Variants in ALPK2 observed in about 807,000 individuals in gnomAD.
ALPK2 encodes alpha kinase 2.
A neutral mutation model predicts 163.1 loss-of-function variants in ALPK2; 127 were observed. The ratio of observed to expected loss-of-function variants is 0.78; its 90% CI spans 0.67 to 0.90. ALPK2 has a LOEUF of 0.90. ALPK2 is among the 40% of genes least tolerant of loss of function. The probability of loss-of-function intolerance (pLI) is 0.00; values close to 1 mark genes in which losing one functional copy is unlikely to be tolerated. For missense variants in ALPK2, 2,360 were observed against 2,589.6 expected (o/e 0.91, Z 1.92); for synonymous variants, 953 against 959.1 (o/e 0.99, Z 0.12).
intron 6 of ALPK2, among the ~76,000 whole-genome samples, chr18:58,525,972 A>G (rs1433087294): frequency 6.7e-6 from 1 of 148,520 alleles, no homozygotes; most frequent in African/African-American, 2.5e-5. Flanking sequence ...AAAAAGAAAA[A>G]AAAAAAAAAA....
In ALPK2 at chr18:58,579,508, G is replaced by A; in HGVS notation, c.1268C>T (p.Ser423Leu). ...GAGAGTCATCCCTGTTTGTGGGGATGAGGGACCGTGCTTGGAGACTCTGCT... is the reference window on the plus strand; with the variant it reads ...GAGAGTCATCCCTGTTTGTGGGGATAAGGGACCGTGCTTGGAGACTCTGCT... ...RSSRVSKHGP[S>L]SPQTGMTLIL... The change falls in exon 4 of 13, where the codon TCA becomes TTA. Residue 423 changes from serine to leucine, a missense_variant. Transcript: ENST00000361673. 14 of 1,613,954 alleles carry A rather than the reference G, an allele frequency of 8.7e-6. No homozygotes were observed. Among genetic ancestry groups the A allele is most frequent in the South Asian group, 1.1e-5 (1 of 91,058 alleles).
chr18:58,579,211 C>A lies in ALPK2; in HGVS notation c.1565G>T (p.Gly522Val). 1.2e-6 allele frequency: 2 copies of A among 1,613,286 alleles called. No individual in the cohort carries two copies. The highest frequency in any genetic ancestry group is 1.7e-6 in the Non-Finnish European group (2 of 1,179,272). Residue 522 changes from glycine to valine, a missense_variant, in exon 4 of 13, where the codon GGA becomes GTA. Physicochemically the swap from Gly to Val is moderately radical, Grantham distance 109 (BLOSUM62 -3). Coordinates refer to ENST00000361673, the MANE Select transcript of ALPK2 (RefSeq NM_052947.4). ...WETAADKRVG[G>V]KDLWSKRGSR... ...ACCCCTCTTGCTCCATAAGTCCTTT[C>A]CCCCCACTCTCTTGTCAGCTGCCGT...
rs192986739 is a variant in ALPK2, at chr18:58,613,938, T to C, written c.-20-2121A>G. Among the ~76,000 whole-genome samples, 54 of 152,296 alleles carry C rather than the reference T, an allele frequency of 3.5e-4. No individual in the cohort carries two copies. In the East Asian group the frequency reaches 5.4e-3, roughly 15 times the overall value. On this transcript the variant is annotated intron_variant, in intron 1 of 12. Transcript: ENST00000361673. ...GCATTTCCTTAATCTCAAGATGTTC[T>C]GTTTAGAAATATGGTGTGAACTGTA...
chr18:58,526,646 G>A (rs2051586521), intron 6 of ALPK2, among the ~76,000 whole-genome samples: 2 of 152,164 alleles, frequency 1.3e-5, no homozygotes, highest in Admixed American at 6.5e-5. Flanking sequence ...GTGCCACCTT[G>A]AGGTCTCCAT....
intron 3 of ALPK2, among the ~76,000 whole-genome samples, chr18:58,596,478 T>G (rs2052041913): frequency 6.6e-6 from 1 of 152,194 alleles, no homozygotes; most frequent in African/African-American, 2.4e-5. Flanking sequence ...AGAATCTCCA[T>G]CTGGCTGCTG....
chr18:58,594,387 A>ACC (rs1279056893), intron 3 of ALPK2, among the ~76,000 whole-genome samples: 1 of 152,090 alleles, frequency 6.6e-6, no homozygotes, highest in African/African-American at 2.4e-5. Context: ...AACAATTTCC[A>ACC]CCCCCAGCAC....
In ALPK2 at chr18:58,523,722, C is replaced by G. The variant is rs940657316; in HGVS notation, c.5665+84G>C. The G allele has an allele frequency of 4.5e-6, 7 of 1,545,510 alleles. No individual in the cohort carries two copies. The African/African-American group carries it at 5.5e-5, about 12-fold the overall frequency. On this transcript the variant is annotated intron_variant, in intron 8 of 12. Coordinates refer to ENST00000361673, the MANE Select transcript of ALPK2 (RefSeq NM_052947.4). ...TCGGTTGGAAGAGTCCAGAGGATTA[C>G]TGCTTCTACTCTTTCCTCTGGGAGC...
At chr18:58,586,835 G>A (rs2051989253) in intron 3 of ALPK2, among the ~76,000 whole-genome samples, 1 of 151,972 alleles carries the variant, frequency 6.6e-6, no homozygotes, top group East Asian at 1.9e-4. Context: ...TTAAACAATA[G>A]GGTAACCAAA....
chr18:58,573,212 A>ATATATATGTGTATATG (rs1568089258), intron 4 of ALPK2, among the ~76,000 whole-genome samples: 2 of 40,382 alleles, frequency 5.0e-5, no homozygotes, highest in African/African-American at 9.1e-5. Flanking sequence ...ATGTGTATAT[A>ATATATATGTGTATATG]TGTATATATA....
chr18:58,537,503 G>A lies in ALPK2; in HGVS notation c.2684C>T (p.Thr895Ile). The A allele has an allele frequency of 1.2e-6, 2 of 1,612,740 alleles. No individual in the cohort carries two copies. Among genetic ancestry groups the A allele is most frequent in the Non-Finnish European group, 8.5e-7 (1 of 1,179,000 alleles). Residue 895 changes from threonine (T) to isoleucine (I), a missense_variant, in exon 5 of 13, where the codon ACC becomes ATC. Thr to Ile is a moderately conservative substitution (Grantham distance 89). Coordinates refer to ENST00000361673, the MANE Select transcript of ALPK2 (RefSeq NM_052947.4). ...ACTAGCTGTGTGTGAAATGTTCAAGGTGAAAGTACTGGTAAAAAGAGGGGA... is the reference window on the plus strand; with the variant it reads ...ACTAGCTGTGTGTGAAATGTTCAAGATGAAAGTACTGGTAAAAAGAGGGGA... ...VMSPLFTSTFTLNISHTASEG... is the reference protein window; with the variant it reads ...VMSPLFTSTFILNISHTASEG...
chr18:58,575,003 C>T (rs2051911876), intron 4 of ALPK2, among the ~76,000 whole-genome samples: 1 of 151,984 alleles, frequency 6.6e-6, no homozygotes, highest in African/African-American at 2.4e-5. Context: ...CACCTGAGGT[C>T]GGGAGTTTGA....
rs543872642 is a variant in ALPK2, at chr18:58,599,463, C to G, written c.227+7859G>C. 2.6e-5 allele frequency among the ~76,000 whole-genome samples: 4 copies of G among 152,312 alleles called. No individual in the cohort carries two copies. In the East Asian group the frequency reaches 7.7e-4, roughly 29 times the overall value. Reference sequence around the variant, plus strand: ...TTAAGATTTGTTAGACCTACTTAAGCTCACAGGAACATGAAGTTCACAAAA... The same window carrying G: ...TTAAGATTTGTTAGACCTACTTAAGGTCACAGGAACATGAAGTTCACAAAA... On this transcript the variant is annotated intron_variant, in intron 3 of 12. Transcript: ENST00000361673.
At chr18:58,599,685 A>G (rs888760189) in intron 3 of ALPK2, among the ~76,000 whole-genome samples, 4 of 152,164 alleles carry the variant, frequency 2.6e-5, no homozygotes, top group African/African-American at 9.7e-5. Flanking sequence ...CAGTTCCAAA[A>G]TTATAGTTTG....
chr18:58,616,323 C>T (rs776697483), intron 1 of ALPK2, among the ~76,000 whole-genome samples: 1 of 152,200 alleles, frequency 6.6e-6, no homozygotes, highest in Non-Finnish European at 1.5e-5. Context: ...CTCTCTCTGA[C>T]CTTCTATCCT....
chr18:58,609,986 C>A (rs7245005), intron 2 of ALPK2, among the ~76,000 whole-genome samples: 64,920 of 151,944 alleles, frequency 0.43, 14,468 homozygotes, highest in East Asian at 0.74. Flanking sequence ...AGGCTGAAAT[C>A]GAGGTTTTAT....
intron 3 of ALPK2, among the ~76,000 whole-genome samples, chr18:58,583,239 T>A (rs1414115914): frequency 6.6e-6 from 1 of 152,202 alleles, no homozygotes; most frequent in Non-Finnish European, 1.5e-5. Context: ...ATCTTCCTGC[T>A]ACAGAGTCTG....
chr18:58,555,954 T>C (rs780670524), intron 4 of ALPK2, among the ~76,000 whole-genome samples: 1 of 152,140 alleles, frequency 6.6e-6, no homozygotes, highest in Non-Finnish European at 1.5e-5. Context: ...CCCAAGTAGC[T>C]GGGATTACAG....
intron 4 of ALPK2, among the ~76,000 whole-genome samples, chr18:58,562,036 C>T (rs997771887): frequency 1.3e-5 from 2 of 152,212 alleles, no homozygotes; most frequent in South Asian, 4.1e-4. Flanking sequence ...TCACCCGCTT[C>T]AATTTGTGCT....
intron 4 of ALPK2, among the ~76,000 whole-genome samples, chr18:58,554,046 A>C (rs1044594368): frequency 4.6e-5 from 7 of 151,662 alleles, no homozygotes; most frequent in African/African-American, 1.7e-4. Flanking sequence ...TTTTCAGTAA[A>C]GGCGGGATTT....
Sources: allele counts gnomAD v4.1 joint callset (sites outside exome capture counted in the v4.1 genomes callset), GRCh38; gene constraint gnomAD v4.1.1; transcripts MANE v1.5; gene names NCBI Gene and HGNC (gene_info 2026-07-23, HGNC 2026-07-21).